The following SCAPER variants were observed in gnomAD, a reference collection of about 807,000 sequenced individuals.
The protein encoded by SCAPER is S-phase cyclin A associated protein in the ER.
A neutral mutation model predicts 182.2 loss-of-function variants in SCAPER; 98 were observed. The ratio of observed to expected loss-of-function variants is 0.54; its 90% CI spans 0.46 to 0.64. The LOEUF is 0.64. Ranked by LOEUF, SCAPER falls within the 30% of genes least tolerant of loss-of-function variation. SCAPER has a pLI of 0.00. For synonymous variants in SCAPER, 605 were observed against 564.6 expected (o/e 1.07, Z -1.01); for missense variants, 1,432 against 1,690.0 (o/e 0.85, Z 2.68).
chr15:76,479,374 A>G (rs1209404447), intron 24 of SCAPER, among the ~76,000 whole-genome samples: 1 of 152,194 alleles, frequency 6.6e-6, no homozygotes, highest in African/African-American at 2.4e-5. Flanking sequence ...TCAAACAGAA[A>G]GCACCAGATT....
intron 1 of SCAPER, among the ~76,000 whole-genome samples, chr15:76,902,859 C>T (rs1160377698): frequency 3.3e-5 from 5 of 152,038 alleles, no homozygotes; most frequent in South Asian, 4.1e-4. Flanking sequence ...GAGTTTGAGA[C>T]CAGCATGGCC....
intron 17 of SCAPER, among the ~76,000 whole-genome samples, chr15:76,715,180 C>A (rs1423144686): frequency 6.6e-6 from 1 of 151,528 alleles, no homozygotes; most frequent in Non-Finnish European, 1.5e-5. Context: ...AGACCACATA[C>A]ACCCCCGCCA....
chr15:76,761,284 C>T (rs1348976674), intron 14 of SCAPER, among the ~76,000 whole-genome samples: 1 of 151,992 alleles, frequency 6.6e-6, no homozygotes, highest in Non-Finnish European at 1.5e-5. Flanking sequence ...AACAAACCAC[C>T]GTTTTGTTGA....
At chr15:76,874,496 A>G (rs2073008421) in intron 2 of SCAPER, among the ~76,000 whole-genome samples, 1 of 152,110 alleles carries the variant, frequency 6.6e-6, no homozygotes, top group Admixed American at 6.5e-5. Context: ...AAAAAAAAAC[A>G]AAAGTGAGTT....
chr15:76,615,484 C>CACACAG (rs796624533), intron 22 of SCAPER, among the ~76,000 whole-genome samples: 1 of 94,294 alleles, frequency 1.1e-5, no homozygotes, highest in African/African-American at 3.9e-5. Context: ...TACATACACA[C>CACACAG]ACACACAGAC....
chr15:76,784,903 G>A (rs904607140), intron 8 of SCAPER, among the ~76,000 whole-genome samples: 1 of 152,176 alleles, frequency 6.6e-6, no homozygotes, highest in Non-Finnish European at 1.5e-5. Context: ...AGACTTAAAT[G>A]TTAGACCTAA....
intron 16 of SCAPER, among the ~76,000 whole-genome samples, chr15:76,731,540 G>C (rs1598413960): frequency 6.6e-6 from 1 of 152,194 alleles, no homozygotes; most frequent in African/African-American, 2.4e-5. Flanking sequence ...GAGGGTCTCT[G>C]AAATTCTGTA....
intron 5 of SCAPER, among the ~76,000 whole-genome samples, chr15:76,811,651 G>T (rs1338599413): frequency 2.0e-5 from 3 of 152,190 alleles, no homozygotes; most frequent in Middle Eastern, 3.4e-3. Context: ...TAGTTGGGGT[G>T]CTGGCACATG....
chr15:76,687,301 A>C (rs1397077662), intron 20 of SCAPER, among the ~76,000 whole-genome samples: 1 of 152,184 alleles, frequency 6.6e-6, no homozygotes, highest in East Asian at 1.9e-4. Context: ...TTACTCTTAA[A>C]ATGTTACAAT....
At chr15:76,380,940 C>A (rs2042906318) in intron 28 of SCAPER, 1 of 152,396 alleles carries the variant, frequency 6.6e-6, no homozygotes, top group African/African-American at 2.4e-5. Flanking sequence ...ACGTAAGAAA[C>A]CATTACTTTC....
chr15:76,624,769 A>C (rs2052414714), intron 21 of SCAPER, among the ~76,000 whole-genome samples: 1 of 152,290 alleles, frequency 6.6e-6, no homozygotes, highest in South Asian at 2.1e-4. Flanking sequence ...AGTGACAAAC[A>C]CTGATACCGG....
intron 22 of SCAPER, among the ~76,000 whole-genome samples, chr15:76,615,492 G>GACACACACAC (rs200914871): frequency 3.3e-4 from 47 of 140,762 alleles, no homozygotes; most frequent in African/African-American, 1.2e-3. Flanking sequence ...CACACACACA[G>GACACACACAC]ACACACACAC....
intron 20 of SCAPER, among the ~76,000 whole-genome samples, chr15:76,682,264 T>TCCCCCCCCCCC (rs573661987): frequency 5.4e-5 from 7 of 130,516 alleles, no homozygotes; most frequent in African/African-American, 8.6e-5. Context: ...TCACCTCCCT[T>TCCCCCCCCCCC]CCCCCCCCCA....
At chr15:76,705,357 A>G (rs965317824) in intron 18 of SCAPER, among the ~76,000 whole-genome samples, 21 of 133,642 alleles carry the variant, frequency 1.6e-4, no homozygotes, top group African/African-American at 5.3e-4. Flanking sequence ...ATGAGAACAC[A>G]TGGACACAGG....
chr15:76,447,344 C>G (rs1222010950), intron 25 of SCAPER, among the ~76,000 whole-genome samples: 1 of 152,172 alleles, frequency 6.6e-6, no homozygotes, highest in Non-Finnish European at 1.5e-5. Flanking sequence ...GTAAGCCACT[C>G]TAGCAAATTC....
At chr15:76,470,836 A>T (rs961099735) in intron 25 of SCAPER, among the ~76,000 whole-genome samples, 1 of 152,162 alleles carries the variant, frequency 6.6e-6, no homozygotes, top group South Asian at 2.1e-4. Flanking sequence ...TTAACCTGGC[A>T]AGAGAGGTTT....
chr15:76,533,905 A>T (rs1262342400), intron 23 of SCAPER, among the ~76,000 whole-genome samples: 1 of 152,228 alleles, frequency 6.6e-6, no homozygotes, highest in African/African-American at 2.4e-5. Context: ...CACTTTCAGA[A>T]GAGGATTATT....
At chr15:76,472,209 C>A in intron 24 of SCAPER, 1 of 522,170 alleles carries the variant, frequency 1.9e-6, no homozygotes, top group Admixed American at 2.1e-5. Flanking sequence ...AAAGCCAGAG[C>A]CCAACCCTAA....
intron 29 of SCAPER, among the ~76,000 whole-genome samples, chr15:76,374,872 G>GA (rs1228856620): frequency 6.6e-6 from 1 of 152,050 alleles, no homozygotes; most frequent in African/African-American, 2.4e-5. Flanking sequence ...CAAAGATAAA[G>GA]AGAAATAAGG....
Sources: allele counts gnomAD v4.1 joint callset (sites outside exome capture counted in the v4.1 genomes callset), GRCh38; gene constraint gnomAD v4.1.1; transcripts MANE v1.5; gene names NCBI Gene and HGNC (gene_info 2026-07-23, HGNC 2026-07-21).